Variants in SNX24 observed in about 807,000 individuals in gnomAD.
SNX24 encodes sorting nexin-24.
In SNX24, 22 loss-of-function variants were observed where a neutral mutation model predicts 28.7. The ratio of observed to expected loss-of-function variants is 0.77; its 90% CI spans 0.55 to 1.10. SNX24 has a LOEUF of 1.10. Ranked by LOEUF, SNX24 falls within the 50% of genes least tolerant of loss-of-function variation. The pLI is 0.00. For missense variants in SNX24, 221 were observed against 201.1 expected, an observed-to-expected ratio of 1.10 and a Z score of -0.60; for synonymous variants, 69 against 71.5, an observed-to-expected ratio of 0.96 and a Z score of 0.18.
intron 1 of SNX24, among the ~76,000 whole-genome samples, chr5:122,876,260 G>C (rs1006958411): frequency 6.6e-6 from 1 of 152,144 alleles, no homozygotes; most frequent in Non-Finnish European, 1.5e-5. Context: ...TTTTAGATTT[G>C]GAAGGGTTTT....
chr5:122,998,291 C>T (rs1762121182), intron 3 of SNX24: 1 of 151,952 alleles, frequency 6.6e-6, no homozygotes, highest in African/African-American at 2.4e-5. Context: ...TGGGAAAACG[C>T]TTAGAGAGTG....
chr5:122,870,160 A>C (rs1755909386), intron 1 of SNX24, among the ~76,000 whole-genome samples: 1 of 152,216 alleles, frequency 6.6e-6, no homozygotes, highest in African/African-American at 2.4e-5. Flanking sequence ...GAGAATTTTC[A>C]TATAATTCAG....
chr5:122,925,175 C>T (rs1329043404), intron 1 of SNX24, among the ~76,000 whole-genome samples: 1 of 110,652 alleles, frequency 9.0e-6, no homozygotes, highest in Non-Finnish European at 1.9e-5. Context: ...CATCCCCCTC[C>T]CATCCCCTCC....
At chr5:122,990,717 T>C (rs975648287) in intron 3 of SNX24, among the ~76,000 whole-genome samples, 1 of 152,202 alleles carries the variant, frequency 6.6e-6, no homozygotes, top group African/African-American at 2.4e-5. Flanking sequence ...TTCTATAAAG[T>C]AGTAAAACAG....
intron 3 of SNX24, among the ~76,000 whole-genome samples, chr5:122,974,365 A>G (rs986566271): frequency 8.5e-5 from 13 of 152,176 alleles, no homozygotes; most frequent in African/African-American, 2.9e-4. Flanking sequence ...TACCTTGTGG[A>G]AGGGAAAATG....
Position 122,845,934 on chromosome 5 carries a change from G to A in SNX24, c.60+241G>A, listed in dbSNP as rs528652701. On this transcript the variant is annotated intron_variant, in intron 1 of 6. Transcript: ENST00000261369. The stretch of plus-strand genomic sequence containing the variant: ...GGGGTCCAACCCTCTCCTCCCGGAC[G>A]AGCTGCAGTCCTCGGACGCGGCACT... Among the ~76,000 whole-genome samples the A allele has an allele frequency of 3.2e-4, 48 of 152,092 alleles. 1 individual carries two copies. Among genetic ancestry groups the A allele is most frequent in the African/African-American group, 1.1e-3 (44 of 41,522 alleles).
At chr5:122,863,035 G>C (rs1047516372) in intron 1 of SNX24, among the ~76,000 whole-genome samples, 2 of 152,038 alleles carry the variant, frequency 1.3e-5, no homozygotes, top group African/African-American at 4.8e-5. Context: ...CTCCCTCTGG[G>C]GATACAGTAA....
At chr5:122,988,297 G>C (rs564917736) in intron 3 of SNX24, among the ~76,000 whole-genome samples, 8 of 152,300 alleles carry the variant, frequency 5.3e-5, no homozygotes, top group African/African-American at 1.9e-4. Flanking sequence ...TAGGCAGGGA[G>C]GAGAAGTGAA....
chr5:122,963,606 A>G (rs188151910), intron 3 of SNX24, among the ~76,000 whole-genome samples: 10 of 152,304 alleles, frequency 6.6e-5, no homozygotes, highest in African/African-American at 2.2e-4. Flanking sequence ...AGATTTTAGG[A>G]AGGCAGACAT....
chr5:122,866,866 A>G, intron 1 of SNX24, among the ~76,000 whole-genome samples: 1 of 152,126 alleles, frequency 6.6e-6, no homozygotes, highest in East Asian at 1.9e-4. Context: ...CATCAGAATC[A>G]TTGTTGTGTC....
intron 1 of SNX24, among the ~76,000 whole-genome samples, chr5:122,866,230 A>G (rs1481762558): frequency 6.6e-6 from 1 of 152,150 alleles, no homozygotes; most frequent in Non-Finnish European, 1.5e-5. Flanking sequence ...GCTCACTGCA[A>G]CCACCACCTC....
intron 1 of SNX24, among the ~76,000 whole-genome samples, chr5:122,922,117 T>G (rs901269577): frequency 6.6e-6 from 1 of 152,188 alleles, no homozygotes; most frequent in Non-Finnish European, 1.5e-5. Context: ...GACACTGATG[T>G]TGGTTATATG....
At chr5:122,979,557 A>T (rs148324382) in intron 3 of SNX24, among the ~76,000 whole-genome samples, 35 of 152,328 alleles carry the variant, frequency 2.3e-4, no homozygotes, top group African/African-American at 8.2e-4. Context: ...ACATAATTAG[A>T]TGTGATAGGG....
chr5:122,892,004 G>A (rs1561555826), intron 1 of SNX24, among the ~76,000 whole-genome samples: 8 of 152,042 alleles, frequency 5.3e-5, no homozygotes, highest in Admixed American at 2.6e-4. Flanking sequence ...CTTCACAAAT[G>A]GGGAAGTCCA....
intron 1 of SNX24, among the ~76,000 whole-genome samples, chr5:122,932,974 C>T (rs904015870): frequency 1.3e-5 from 2 of 151,504 alleles, no homozygotes; most frequent in Admixed American, 6.6e-5. Context: ...TAACTTAGTA[C>T]ATTAGAGGGG....
At chr5:122,863,581 G>A (rs1410907950) in intron 1 of SNX24, among the ~76,000 whole-genome samples, 1 of 151,442 alleles carries the variant, frequency 6.6e-6, no homozygotes, top group Non-Finnish European at 1.5e-5. Context: ...GGCCCAAGCT[G>A]GAGTGCAGTG....
chr5:122,924,065 A>T (rs1013546535), intron 1 of SNX24, among the ~76,000 whole-genome samples: 2 of 152,200 alleles, frequency 1.3e-5, no homozygotes, highest in Non-Finnish European at 2.9e-5. Context: ...TGAGAAAGCA[A>T]ATAATACAGT....
intron 3 of SNX24, among the ~76,000 whole-genome samples, chr5:122,986,850 T>A (rs951269756): frequency 2.3e-4 from 1 of 4,442 alleles, no homozygotes; most frequent in Non-Finnish European, 4.1e-4. Flanking sequence ...CATGGGTGGG[T>A]GGGTGGGTGG....
In SNX24 at chr5:122,867,277, G is replaced by T. The variant is rs147982508; in HGVS notation, c.60+21584G>T. Among the ~76,000 whole-genome samples the T allele has an allele frequency of 6.7e-4, 102 of 152,322 alleles. 2 individuals carry two copies. The highest frequency in any genetic ancestry group is 2.4e-3 in the African/African-American group (99 of 41,578). Reference sequence around the variant, plus strand: ...CCTCACTTCATTTGCTATGAAATCAGTTCCATGGCAGTGGATACAGTATCC... The same window carrying T: ...CCTCACTTCATTTGCTATGAAATCATTTCCATGGCAGTGGATACAGTATCC... On this transcript the variant is annotated intron_variant, in intron 1 of 6. Transcript: ENST00000261369.
Sources: gnomAD v4.1 joint callset for allele counts (sites outside exome capture counted in the v4.1 genomes callset) on GRCh38, gnomAD v4.1.1 for gene constraint, MANE v1.5 for transcripts, NCBI Gene and HGNC (gene_info 2026-07-23, HGNC 2026-07-21) for gene names.